CYREN: variants seen among roughly 807,000 people sequenced by gnomAD.
The protein encoded by CYREN is cell cycle regulator of NHEJ, also known as cell cycle regulator of non-homologous end joining.
Under a neutral mutation model 9.7 loss-of-function variants are expected in CYREN, and 7 were observed. The observed-to-expected ratio is 0.72, with a 90% CI of 0.41 to 1.36. The LOEUF (loss-of-function observed/expected upper bound fraction) is 1.36, where lower values mean the gene tolerates loss of function less well. Ranked by LOEUF, CYREN falls within the 40% of genes most tolerant of loss-of-function variation. CYREN has a pLI of 0.01. For missense variants in CYREN, 215 were observed against 198.1 expected (o/e 1.09, Z -0.51); for synonymous variants, 76 against 77.9 (o/e 0.98, Z 0.13).
intron 2 of CYREN, chr7:135,099,834 G>A (rs551699187): frequency 6.9e-6 from 1 of 144,426 alleles, no homozygotes; most frequent in African/African-American, 2.5e-5. Context: ...TTAAAATCTA[G>A]TTAGATATTT....
At chr7:135,112,936 C>T (rs957656425) in intron 2 of CYREN, among the ~76,000 whole-genome samples, 3 of 152,138 alleles carry the variant, frequency 2.0e-5, no homozygotes, top group African/African-American at 7.2e-5. Context: ...GCCACCATGC[C>T]GACTTAATTT....
Position 135,167,369 on chromosome 7 carries a change from G to A in CYREN, c.213+363C>T. 2.7e-6 allele frequency: 3 copies of A among 1,114,864 alleles called. No homozygotes were observed. The South Asian group carries it at 9.5e-5, about 35-fold the overall frequency. 69.1% of individuals were successfully genotyped at this position (1,114,864 alleles called of 1,614,324 possible). A position where few individuals can be genotyped will look rare whatever the true frequency, so the allele number is the denominator to read the frequency against. On this transcript the variant is annotated intron_variant, in intron 3 of 3. Transcript: ENST00000393114. Reference sequence around the variant, plus strand: ...GAAGCTCAGCATCCTCTGCTCAGGAGAGGGGCAATGGCTAAGAAGTCATCT... The same window carrying A: ...GAAGCTCAGCATCCTCTGCTCAGGAAAGGGGCAATGGCTAAGAAGTCATCT...
chr7:135,128,187 G>A (rs1439543362), intron 2 of CYREN, among the ~76,000 whole-genome samples: 2 of 150,696 alleles, frequency 1.3e-5, no homozygotes, highest in Non-Finnish European at 3.0e-5. Context: ...AGCTACTCGG[G>A]AGGCTGCGAC....
intron 2 of CYREN, among the ~76,000 whole-genome samples, chr7:135,159,515 A>G (rs987245276): frequency 1.3e-5 from 2 of 152,094 alleles, no homozygotes. Flanking sequence ...AGCAGAAATC[A>G]TCTCCCTCCT....
At chr7:135,157,059 T>TA (rs1444069544) in intron 2 of CYREN, among the ~76,000 whole-genome samples, 2 of 152,226 alleles carry the variant, frequency 1.3e-5, no homozygotes, top group Non-Finnish European at 2.9e-5. Flanking sequence ...TAAGTCCAAT[T>TA]AAACCTCTTT....
chr7:135,122,757 C>G (rs1827320908), intron 2 of CYREN, among the ~76,000 whole-genome samples: 1 of 152,064 alleles, frequency 6.6e-6, no homozygotes, highest in South Asian at 2.1e-4. Flanking sequence ...ATGACGAGGG[C>G]CTGAAGTGAA....
chr7:135,096,214 G>A (rs1304394283), intron 2 of CYREN, among the ~76,000 whole-genome samples: 2 of 152,028 alleles, frequency 1.3e-5, no homozygotes, highest in Non-Finnish European at 2.9e-5. Flanking sequence ...CATTGAGATA[G>A]CACTAACTTA....
chr7:135,168,602 G>C, intron 2 of CYREN, 184 bp downstream of exon 2: 1 of 878,488 alleles, frequency 1.1e-6, no homozygotes, highest in Non-Finnish European at 1.7e-6. Flanking sequence ...GCCTGTCCTC[G>C]AGGGTTAACC....
intron 2 of CYREN, among the ~76,000 whole-genome samples, chr7:135,143,945 G>A (rs1829498214): frequency 6.6e-6 from 1 of 152,116 alleles, no homozygotes; most frequent in African/African-American, 2.4e-5. Context: ...TCCACTGTGG[G>A]AGGATATGGC....
intron 2 of CYREN, among the ~76,000 whole-genome samples, chr7:135,139,631 C>T (rs991887401): frequency 8.5e-5 from 13 of 152,054 alleles, no homozygotes; most frequent in Admixed American, 7.2e-4. Context: ...TAGTCTTTAA[C>T]GTGAAATATT....
intron 2 of CYREN, chr7:135,134,996 T>C: frequency 6.4e-7 from 1 of 1,551,150 alleles, no homozygotes; most frequent in South Asian, 1.2e-5. Flanking sequence ...TTATCACCTC[T>C]CAAAGGCCCC....
At chr7:135,102,354 G>A (rs1384656730) in intron 2 of CYREN, among the ~76,000 whole-genome samples, 1 of 151,980 alleles carries the variant, frequency 6.6e-6, no homozygotes, top group Non-Finnish European at 1.5e-5. Flanking sequence ...CTTCCCTAAA[G>A]TGTTTTATAA....
chr7:135,096,310 G>A (rs1222193139), intron 2 of CYREN, among the ~76,000 whole-genome samples: 1 of 151,254 alleles, frequency 6.6e-6, no homozygotes, highest in Non-Finnish European at 1.5e-5. Flanking sequence ...TGCCAGCATG[G>A]CCCAAATGTC....
chr7:135,096,654 C>T (rs1822866111), intron 2 of CYREN, among the ~76,000 whole-genome samples: 1 of 117,104 alleles, frequency 8.5e-6, no homozygotes, highest in Non-Finnish European at 1.9e-5. Flanking sequence ...GGTGGAAGAA[C>T]TTATACAACT....
At chr7:135,129,014 C>T in intron 2 of CYREN, 1 of 1,605,326 alleles carries the variant, frequency 6.2e-7, no homozygotes, top group Non-Finnish European at 8.5e-7. Context: ...GTCTGAAGGA[C>T]TACTTTGAAA....
rs182325155 is a variant in CYREN at position 135,095,810 on chromosome 7, G to C, written n.357-1228C>G. 6.7e-3 allele frequency among the ~76,000 whole-genome samples: 1,017 copies of C among 152,256 alleles called. 8 individuals carry two copies. The highest frequency in any genetic ancestry group is 0.011 in the Non-Finnish European group (729 of 68,018). On this transcript the variant is annotated intron_variant and non_coding_transcript_variant, in intron 2 of 2. Transcript: ENST00000459937. ...CAGGGGAGCATCACTCTGAGTGGAC[G>C]GGGGTACTGAAGTGCAACTTAAGTG...
downstream of CYREN, chr7:135,164,664 G>T: frequency 6.2e-7 from 1 of 1,613,538 alleles, no homozygotes; most frequent in Non-Finnish European, 8.5e-7. Flanking sequence ...AGCCCTGGGG[G>T]TGCCTCGGGT....
At chr7:135,164,108 C>A (rs1427960477), downstream of CYREN, among the ~76,000 whole-genome samples, 1 of 152,220 alleles carries the variant, frequency 6.6e-6, no homozygotes, top group East Asian at 1.9e-4. Flanking sequence ...TTTCCAATGG[C>A]TTGTTGTATT....
chr7:135,130,440 G>A (rs1406160188), intron 2 of CYREN, among the ~76,000 whole-genome samples: 2 of 152,084 alleles, frequency 1.3e-5, no homozygotes, highest in Non-Finnish European at 2.9e-5. Context: ...TTTCCTGGGT[G>A]TTAGAGCCTA....
Sources: allele counts gnomAD v4.1 joint callset (sites outside exome capture counted in the v4.1 genomes callset), GRCh38; gene constraint gnomAD v4.1.1; transcripts MANE v1.5; gene names NCBI Gene and HGNC (gene_info 2026-07-23, HGNC 2026-07-21).